RYR3: variants seen among roughly 807,000 people sequenced by gnomAD.
RYR3 encodes ryanodine receptor 3.
A neutral mutation model predicts 584.3 loss-of-function variants in RYR3; 207 were observed. The ratio of observed to expected loss-of-function variants is 0.35; its 90% CI spans 0.32 to 0.40. RYR3 has a LOEUF of 0.40. Among genes scored for constraint, RYR3 ranks in the 10% least tolerant of loss-of-function variants. The pLI is 1.00. For synonymous variants in RYR3, 2,416 were observed against 2,248.5 expected, an observed-to-expected ratio of 1.07 and a Z score of -2.11; for missense variants, 5,616 against 6,089.2, an observed-to-expected ratio of 0.92 and a Z score of 2.59.
intron 1 of RYR3, among the ~76,000 whole-genome samples, chr15:33,467,796 T>G (rs2048604467): frequency 6.6e-6 from 1 of 152,254 alleles, no homozygotes; most frequent in Non-Finnish European, 1.5e-5. Context: ...TTTGGGCTGA[T>G]GTTTACCCCT....
chr15:33,586,053 G>C lies in RYR3; in HGVS notation c.1725G>C (p.Leu575=), dbSNP rs1242248582. 8.1e-6 allele frequency: 13 copies of C among 1,613,598 alleles called. No homozygotes were observed. Among genetic ancestry groups the C allele is most frequent in the Non-Finnish European group, 1.1e-5 (13 of 1,179,680 alleles). The part of the protein sequence containing the change: ...ILTESPEALN[L]IAEGHIKSII... ...CTGAAAGCCCAGAAGCCTTAAATCT[G>C]ATAGCGGAGGGCCACATCAAGTCGA... The change falls in exon 16 of 104, where the codon CTG becomes CTC. Residue 575 remains leucine, a synonymous_variant. Coordinates refer to ENST00000634891, the MANE Select transcript of RYR3 (RefSeq NM_001036.6).
chr15:33,566,565 A>C (rs968300966), intron 11 of RYR3, 113 bp from the exon 12 acceptor site: 3 of 1,155,118 alleles, frequency 2.6e-6, no homozygotes, highest in Admixed American at 3.7e-5. Context: ...GACCCAAGAG[A>C]GCTTATTTGG....
chr15:33,567,721 C>T (rs940852019), intron 12 of RYR3, among the ~76,000 whole-genome samples: 3 of 152,166 alleles, frequency 2.0e-5, no homozygotes, highest in African/African-American at 4.8e-5. Flanking sequence ...TGGACCAGAG[C>T]ATCAGCATCA....
At chr15:33,579,882 C>T (rs1274199649) in intron 12 of RYR3, 94 bp from the exon 13 acceptor site, 4 of 906,748 alleles carry the variant, frequency 4.4e-6, no homozygotes, top group Non-Finnish European at 6.4e-6. Context: ...TCATGGTGCA[C>T]CGTGGGGGGC....
intron 103 of RYR3, 63 bp from the exon 104 acceptor site, chr15:33,865,064 AAAAC>A (rs530303524): frequency 3.0e-4 from 395 of 1,319,998 alleles, no homozygotes; most frequent in Middle Eastern, 2.3e-3. Context: ...ACAAAGAACA[AAAAC>A]AAACTGGGTT....
At position 33,827,333 on chromosome 15, in the gene RYR3, C is replaced by G. The variant is rs565304173; in HGVS notation, c.11334+46C>G. ...CAATGGGACCTCTCACCTTTGCTTCCAGAAGATAAACACAGTTACACAGGG... is the reference window on the plus strand; with the variant it reads ...CAATGGGACCTCTCACCTTTGCTTCGAGAAGATAAACACAGTTACACAGGG... On this transcript the variant is annotated intron_variant, in intron 85 of 103. Transcript: ENST00000634891. 112 of 1,511,414 alleles carry G rather than the reference C, an allele frequency of 7.4e-5. 2 individuals are homozygous for G. In the South Asian group the frequency reaches 1.3e-3, roughly 17 times the overall value. 93.6% of individuals were successfully genotyped at this position (1,511,414 alleles called of 1,614,324 possible).
In RYR3 at chr15:33,854,794, C is replaced by G. The variant is rs1307962205; in HGVS notation, c.13889C>G (p.Thr4630Ser). 3.7e-6 allele frequency: 6 copies of G among 1,612,848 alleles called. No individual in the cohort carries two copies. The East Asian group carries it at 8.9e-5, about 24-fold the overall frequency. The change falls in exon 98 of 104, where the codon ACC (threonine) becomes AGC (serine). Residue 4630 changes from threonine to serine, a missense_variant. This residue lies in a region of RYR3 where 918 missense variants were observed against 887.4 expected (regional missense o/e 1.03). Coordinates refer to ENST00000634891, the MANE Select transcript of RYR3 (RefSeq NM_001036.6). ...TTTCTCTACCTTGCCTGGTATACAA[C>G]CATGTCAGTCCTGGGCCACTACAAT... ...NSFLYLAWYT[T>S]MSVLGHYNNF...
At position 33,460,940 on chromosome 15, in the gene RYR3, CTTTT is replaced by C. The variant is rs66742049; in HGVS notation, c.52-12460_52-12457del. 6.3e-4 allele frequency among the ~76,000 whole-genome samples: 50 copies of C among 79,206 alleles called. 3 individuals carry two copies. Among genetic ancestry groups the C allele is most frequent in the South Asian group, 1.0e-3 (2 of 2,006 alleles). 52.0% of individuals were successfully genotyped at this position (79,206 alleles called of 152,430 possible). On this transcript the variant is annotated intron_variant, in intron 1 of 103. Coordinates refer to ENST00000634891, the MANE Select transcript of RYR3 (RefSeq NM_001036.6). ...GGAATTTGTGGCACATAATATCCACCTTTTTTTTTTTTTTTTTTTTTTAAGACGG... is the reference window on the plus strand; with the variant it reads ...GGAATTTGTGGCACATAATATCCACCTTTTTTTTTTTTTTTTTTAAGACGG...
chr15:33,460,295 G>T (rs59207450), intron 1 of RYR3, among the ~76,000 whole-genome samples: 79 of 152,334 alleles, frequency 5.2e-4, no homozygotes, highest in African/African-American at 1.9e-3. Context: ...GGGCTGCAAT[G>T]CCCGCTGCTA....
intron 3 of RYR3, among the ~76,000 whole-genome samples, chr15:33,513,728 A>AG (rs1225734214): frequency 2.0e-5 from 3 of 152,134 alleles, no homozygotes; most frequent in Non-Finnish European, 4.4e-5. Flanking sequence ...TGGACTAGGC[A>AG]GGGGGTGGAC....
intron 1 of RYR3, among the ~76,000 whole-genome samples, chr15:33,317,310 G>A (rs1344554943): frequency 6.6e-6 from 1 of 152,142 alleles, no homozygotes; most frequent in Non-Finnish European, 1.5e-5. Flanking sequence ...CAGGGTGTTG[G>A]GGCCTTTGAA....
intron 67 of RYR3, among the ~76,000 whole-genome samples, chr15:33,795,305 G>T (rs2075532048): frequency 6.6e-6 from 1 of 152,078 alleles, no homozygotes; most frequent in Admixed American, 6.5e-5. Flanking sequence ...GTGCTCAGTG[G>T]GGGACACATA....
intron 38 of RYR3, among the ~76,000 whole-genome samples, chr15:33,679,578 A>G (rs550884565): frequency 7.9e-5 from 12 of 152,328 alleles, no homozygotes; most frequent in Admixed American, 7.8e-4. Flanking sequence ...AAATAGAACC[A>G]TGGAATATTA....
chr15:33,661,695 T>C (rs2063173888), intron 34 of RYR3, among the ~76,000 whole-genome samples: 1 of 152,106 alleles, frequency 6.6e-6, no homozygotes, highest in Non-Finnish European at 1.5e-5. Context: ...TATGAAAATC[T>C]ATTGCTGGTC....
intron 3 of RYR3, among the ~76,000 whole-genome samples, chr15:33,511,869 C>T (rs1278108757): frequency 6.6e-6 from 1 of 152,210 alleles, no homozygotes; most frequent in East Asian, 1.9e-4. Flanking sequence ...AGCTCCACCT[C>T]CCGGGTTCAC....
chr15:33,647,855 G>A (rs2062190881), intron 30 of RYR3, among the ~76,000 whole-genome samples: 2 of 152,154 alleles, frequency 1.3e-5, no homozygotes, highest in African/African-American at 4.8e-5. Context: ...TAGGAGTGAT[G>A]TTAAAAGCAA....
Position 33,738,040 on chromosome 15 carries a change from A to G in RYR3, c.7516-410A>G, listed in dbSNP as rs564639646. On this transcript the variant is annotated intron_variant, in intron 49 of 103. Transcript: ENST00000634891. ...ACTTGCAGCCCACCATCCTCTCCCC[A>G]TATCAGCATCCCCCAAAGATCTTCC... 4.4e-4 allele frequency among the ~76,000 whole-genome samples: 67 copies of G among 152,268 alleles called. No homozygotes were observed. The Middle Eastern group carries it at 0.01, about 23-fold the overall frequency.
intron 102 of RYR3, among the ~76,000 whole-genome samples, chr15:33,863,632 C>T (rs959698091): frequency 1.3e-5 from 2 of 152,190 alleles, no homozygotes; most frequent in African/African-American, 2.4e-5. Context: ...ACTACACTGG[C>T]ATTCCCGCAG....
chr15:33,611,285 G>C (rs547052482), intron 18 of RYR3, among the ~76,000 whole-genome samples: 61 of 152,236 alleles, frequency 4.0e-4, no homozygotes, highest in African/African-American at 1.3e-3. Context: ...GGCTGGGCGC[G>C]GTGGCTCACG....
Sources: gnomAD v4.1 joint callset for allele counts (sites outside exome capture counted in the v4.1 genomes callset) on GRCh38, gnomAD v4.1.1 for gene constraint, gnomAD v4.1.1 regional missense constraint, MANE v1.5 for transcripts, NCBI Gene and HGNC (gene_info 2026-07-23, HGNC 2026-07-21) for gene names.